The following TMEM236 variants were observed in gnomAD, a reference collection of about 807,000 sequenced individuals.
The protein encoded by TMEM236 is transmembrane protein 236, also known as family with sequence similarity 23, member A.
In TMEM236, 11 loss-of-function variants were observed where a neutral mutation model predicts 14.7. The ratio of observed to expected loss-of-function variants is 0.75; its 90% CI spans 0.47 to 1.24. The LOEUF (loss-of-function observed/expected upper bound fraction) is 1.24, where lower values mean the gene tolerates loss of function less well. Among genes scored for constraint, TMEM236 ranks in the 50% most tolerant of loss-of-function variants. The probability of loss-of-function intolerance (pLI) is 0.00; values close to 1 mark genes in which losing one functional copy is unlikely to be tolerated. For missense variants in TMEM236, 464 were observed against 427.3 expected (o/e 1.09, Z -0.76); for synonymous variants, 182 against 168.6 (o/e 1.08, Z -0.62).
intron 1 of TMEM236, among the ~76,000 whole-genome samples, chr10:17,760,831 C>A (rs940803053): frequency 6.6e-6 from 1 of 152,162 alleles, no homozygotes; most frequent in Non-Finnish European, 1.5e-5. Context: ...TGCAGGGCAA[C>A]TCCCCTTTAT....
At chr10:17,768,763 CTGTA>C (rs1837518663) in intron 1 of TMEM236, among the ~76,000 whole-genome samples, 1 of 105,834 alleles carries the variant, frequency 9.4e-6, no homozygotes, top group Non-Finnish European at 2.1e-5. Context: ...GTGTGTGTGC[CTGTA>C]TGTGTTTCCT....
chr10:17,759,740 C>T (rs1196288213), intron 1 of TMEM236, among the ~76,000 whole-genome samples: 1 of 152,050 alleles, frequency 6.6e-6, no homozygotes, highest in Non-Finnish European at 1.5e-5. Flanking sequence ...TAGAAGATCA[C>T]AGAGCCAATG....
chr10:17,793,593 C>T (rs1395904294), intron 3 of TMEM236, among the ~76,000 whole-genome samples: 4 of 152,174 alleles, frequency 2.6e-5, no homozygotes, highest in African/African-American at 9.6e-5. Context: ...AAGCAATTCT[C>T]ATGCCTCAGC....
intron 1 of TMEM236, among the ~76,000 whole-genome samples, chr10:17,762,463 G>A: frequency 6.6e-6 from 1 of 151,220 alleles, no homozygotes; most frequent in East Asian, 1.9e-4. Flanking sequence ...TCATAACAGA[G>A]TGTATGATTG....
Position 17,794,893 on chromosome 10 carries a change from T to TA in TMEM236, c.473-1028_473-1027insA, listed in dbSNP as rs1837985983. On this transcript the variant is annotated intron_variant, in intron 3 of 3. Transcript: ENST00000377495. Reference sequence around the variant, plus strand: ...TCTACTAAAAGTTAGCCAGGCATGGTGGTGTGCACCTGTAATCCCAGCTAC... The same window carrying TA: ...TCTACTAAAAGTTAGCCAGGCATGGTAGGTGTGCACCTGTAATCCCAGCTAC... Among the ~76,000 whole-genome samples the TA allele has an allele frequency of 2.0e-5, 3 of 152,058 alleles. No homozygotes were observed. In the East Asian group the frequency reaches 5.8e-4, roughly 29 times the overall value.
rs1249891518 is a variant in TMEM236, at chr10:17,798,807, C to A, written c.*2303C>A. 2.9e-5 allele frequency: 12 copies of A among 417,650 alleles called. No individual in the cohort carries two copies. The highest frequency in any genetic ancestry group is 2.5e-4 in the African/African-American group (12 of 47,884). The allele number at this position is 417,650 out of a possible 1,614,324, so 25.9% of individuals were successfully genotyped here. On this transcript the variant is annotated 3_prime_UTR_variant, in exon 4 of 4. Coordinates refer to ENST00000377495, the MANE Select transcript of TMEM236 (RefSeq NM_001098844.3). ...TAGGAGGGTTAAAGGGTAAAGAGTC[C>A]TTTGAGCACATTTTCTGGCAAACCA...
chr10:17,796,616 G>T lies in TMEM236; in HGVS notation c.*112G>T. The T allele has an allele frequency of 2.1e-6, 2 of 967,276 alleles. No homozygotes were observed. The highest frequency in any genetic ancestry group is 3.1e-6 in the Non-Finnish European group (2 of 637,852). The allele number at this position is 967,276 out of a possible 1,614,324, so 59.9% of individuals were successfully genotyped here. On this transcript the variant is annotated 3_prime_UTR_variant, in exon 4 of 4. Coordinates refer to ENST00000377495, the MANE Select transcript of TMEM236 (RefSeq NM_001098844.3). ...GCACTATAAAGGAAATGACTAGATT[G>T]TAGAGAATAAGCCATTTTTACTAAC...
At chr10:17,773,634 G>T (rs1185756662) in intron 2 of TMEM236, among the ~76,000 whole-genome samples, 2 of 152,134 alleles carry the variant, frequency 1.3e-5, no homozygotes, top group African/African-American at 4.8e-5. Flanking sequence ...CACCCCTCCA[G>T]GCATCATTGT....
At chr10:17,757,830 A>T in intron 1 of TMEM236, among the ~76,000 whole-genome samples, 1 of 152,040 alleles carries the variant, frequency 6.6e-6, no homozygotes, top group Non-Finnish European at 1.5e-5. Context: ...ATGCAGTGGC[A>T]TGATATCCGC....
chr10:17,763,814 G>A (rs1043253480), intron 1 of TMEM236, among the ~76,000 whole-genome samples: 20 of 152,150 alleles, frequency 1.3e-4, no homozygotes, highest in African/African-American at 4.6e-4. Context: ...GGTTAGGGGC[G>A]TGAGTTTTGG....
chr10:17,798,437 G>T lies in TMEM236; in HGVS notation c.*1933G>T. ...AACTATAGTCCCAGCTACTTAGGAG[G>T]CTGGGGCAGGAAGATTGCTTGAGCC... On this transcript the variant is annotated 3_prime_UTR_variant, in exon 4 of 4. Coordinates refer to ENST00000377495, the MANE Select transcript of TMEM236 (RefSeq NM_001098844.3). 2.4e-6 allele frequency: 1 copy of T among 420,748 alleles called. No homozygotes were observed. Among genetic ancestry groups the T allele is most frequent in the Non-Finnish European group, 4.8e-6 (1 of 210,456 alleles). 26.1% of individuals were successfully genotyped at this position (420,748 alleles called of 1,614,324 possible). A position where few individuals can be genotyped will look rare whatever the true frequency, so the allele number is the denominator to read the frequency against.
At chr10:17,757,904 G>A (rs1303247718) in intron 1 of TMEM236, among the ~76,000 whole-genome samples, 1 of 151,968 alleles carries the variant, frequency 6.6e-6, no homozygotes, top group African/African-American at 2.4e-5. Flanking sequence ...GAGTAGCTGG[G>A]ATTACAGGTG....
intron 1 of TMEM236, among the ~76,000 whole-genome samples, chr10:17,768,097 T>G (rs1159394436): frequency 9.0e-6 from 1 of 111,186 alleles, no homozygotes; most frequent in Non-Finnish European, 2.2e-5. Context: ...TTTTTTTTTT[T>G]TTTTTTTTTT....
At chr10:17,758,599 A>G (rs915958173) in intron 1 of TMEM236, among the ~76,000 whole-genome samples, 35 of 152,332 alleles carry the variant, frequency 2.3e-4, no homozygotes, top group Non-Finnish European at 4.4e-4. Flanking sequence ...TAAAGTTCCT[A>G]GCATAGCAAC....
chr10:17,796,335 TG>T lies in TMEM236; in HGVS notation c.888del (p.Gln297LysfsTer12). The T allele has an allele frequency of 6.2e-7, 1 of 1,613,984 alleles. No homozygotes were observed. Among genetic ancestry groups the T allele is most frequent in the Non-Finnish European group, 8.5e-7 (1 of 1,179,878 alleles). ...NPLLNSLSVL[L>X]QDLPFVFVRL... ...CTTCTCAATTCCCTGAGCGTCCTGC[TG>T]CAAGATTTACCATTCGTTTTTGTTA... On this transcript the variant is annotated frameshift_variant, in exon 4 of 4. Transcript: ENST00000377495. LOFTEE classifies it low-confidence loss of function (END_TRUNC).
rs983354622 is a variant in TMEM236, at chr10:17,785,150, G to T, written c.472+8980G>T. ...TAATTTCTGAAAATGAATGCCAACA[G>T]TAATTTTTATGGAAAGTCTAAGCTA... On this transcript the variant is annotated intron_variant, in intron 3 of 3. Coordinates refer to ENST00000377495, the MANE Select transcript of TMEM236 (RefSeq NM_001098844.3). 6.0e-4 allele frequency among the ~76,000 whole-genome samples: 91 copies of T among 152,306 alleles called. 1 individual carries two copies. The highest frequency in any genetic ancestry group is 3.4e-3 in the Middle Eastern group (1 of 294).
intron 2 of TMEM236, among the ~76,000 whole-genome samples, chr10:17,773,047 A>T (rs994751021): frequency 7.9e-4 from 120 of 152,304 alleles, no homozygotes; most frequent in Non-Finnish European, 1.3e-3. Context: ...TTATGAAAAG[A>T]TCATAATTTA....
chr10:17,773,588 T>A (rs1470847742), intron 2 of TMEM236, among the ~76,000 whole-genome samples: 1 of 152,190 alleles, frequency 6.6e-6, no homozygotes, highest in East Asian at 1.9e-4. Flanking sequence ...TCCACCCGCC[T>A]CGGCCTCCCA....
At chr10:17,791,466 C>G (rs1187960901) in intron 3 of TMEM236, among the ~76,000 whole-genome samples, 1 of 151,910 alleles carries the variant, frequency 6.6e-6, no homozygotes, top group South Asian at 2.1e-4. Context: ...TCTAAAATAA[C>G]GTAAAGTGAC....
Sources: gnomAD v4.1 joint callset for allele counts (sites outside exome capture counted in the v4.1 genomes callset) on GRCh38, gnomAD v4.1.1 for gene constraint, MANE v1.5 for transcripts, NCBI Gene and HGNC (gene_info 2026-07-23, HGNC 2026-07-21) for gene names.